Variants in GGA2 observed in about 807,000 individuals in gnomAD.
GGA2 encodes the protein ADP-ribosylation factor-binding protein GGA2.
In GGA2, 48 loss-of-function variants were observed where a neutral mutation model predicts 79.5. That is an observed-to-expected ratio of 0.60 (90% confidence interval 0.48 to 0.77). The LOEUF (loss-of-function observed/expected upper bound fraction) is 0.77. GGA2 is among the 30% of genes least tolerant of loss of function. The pLI is 0.00. For missense variants in GGA2, 770 were observed against 774.0 expected (o/e 0.99, Z 0.06); for synonymous variants, 317 against 302.0 (o/e 1.05, Z -0.51).
chr16:23,469,360 CA>C (rs1358029604), intron 15 of GGA2: 1 of 219,488 alleles, frequency 4.6e-6, no homozygotes, highest in East Asian at 8.6e-5. Flanking sequence ...ACTTATAAAA[CA>C]GAGGTAGTAG....
At chr16:23,508,336 G>A (rs1434911081) in intron 1 of GGA2, among the ~76,000 whole-genome samples, 5 of 152,142 alleles carry the variant, frequency 3.3e-5, no homozygotes, top group Admixed American at 6.5e-5. Flanking sequence ...AAAGTGCTGC[G>A]ATTACAGGCA....
intron 1 of GGA2, chr16:23,501,286 GAA>G: frequency 2.2e-6 from 1 of 456,510 alleles, no homozygotes; most frequent in South Asian, 1.6e-5. Context: ...CTACTAATTG[GAA>G]AAAGATTGTC....
intron 1 of GGA2, among the ~76,000 whole-genome samples, chr16:23,496,474 T>C (rs1195754611): frequency 6.6e-6 from 1 of 152,028 alleles, no homozygotes; most frequent in East Asian, 1.9e-4. Context: ...GTGTCTCAGC[T>C]GTGTGACAGG....
chr16:23,482,345 G>C (rs1964658339), intron 9 of GGA2, among the ~76,000 whole-genome samples: 1 of 152,200 alleles, frequency 6.6e-6, no homozygotes. Context: ...GAGAGGTACA[G>C]ATGAAGTAAG....
intron 5 of GGA2, among the ~76,000 whole-genome samples, chr16:23,489,873 G>A (rs1412568812): frequency 6.6e-6 from 1 of 151,788 alleles, no homozygotes; most frequent in African/African-American, 2.4e-5. Flanking sequence ...GAAAAAACAG[G>A]GGAGAAAAAA....
At chr16:23,503,513 T>C (rs1964941941) in intron 1 of GGA2, among the ~76,000 whole-genome samples, 1 of 152,220 alleles carries the variant, frequency 6.6e-6, no homozygotes. Flanking sequence ...ACTAGGATAT[T>C]TGGATTGATA....
At chr16:23,515,294 C>T (rs1037705094), upstream of GGA2, among the ~76,000 whole-genome samples, 5 of 151,318 alleles carry the variant, frequency 3.3e-5, no homozygotes, top group African/African-American at 1.2e-4. Context: ...ACCATCTCTA[C>T]AAAACCAAAA....
upstream of GGA2, among the ~76,000 whole-genome samples, chr16:23,514,653 T>C (rs1567373677): frequency 6.6e-6 from 1 of 152,124 alleles, no homozygotes. Context: ...GGTCTCACCA[T>C]GTTGCCCAGG....
chr16:23,491,853 G>A (rs1023855536), intron 4 of GGA2, 53 bp from the exon 5 acceptor site: 18 of 1,307,754 alleles, frequency 1.4e-5, no homozygotes, highest in Admixed American at 5.3e-5. Flanking sequence ...TTGGGAGACC[G>A]ACACTTTAAC....
At chr16:23,483,144 T>C in intron 8 of GGA2, 140 bp from the exon 9 acceptor site, 1 of 636,970 alleles carries the variant, frequency 1.6e-6, no homozygotes, top group South Asian at 1.8e-5. Context: ...ACTTAGAGAC[T>C]GCAGTTTTGA....
At chr16:23,479,984 A>C in intron 10 of GGA2, 97 bp from the exon 11 acceptor site, 1 of 1,127,924 alleles carries the variant, frequency 8.9e-7, no homozygotes, top group Non-Finnish European at 1.3e-6. Flanking sequence ...CTCCTAATCA[A>C]ATGGTAACGC....
At chr16:23,509,789 TAAAA>T (rs113417385) in intron 1 of GGA2, among the ~76,000 whole-genome samples, 2 of 144,404 alleles carry the variant, frequency 1.4e-5, no homozygotes, top group South Asian at 2.2e-4. Context: ...TGTGTGTGTT[TAAAA>T]AAAAAAGTCT....
chr16:23,482,692 T>C (rs1382174217), intron 9 of GGA2, among the ~76,000 whole-genome samples: 2 of 152,164 alleles, frequency 1.3e-5, no homozygotes, highest in African/African-American at 4.8e-5. Flanking sequence ...CCAATCTCCA[T>C]GGTCAATTTC....
Position 23,470,345 on chromosome 16 carries a change from A to G in GGA2, c.1451-180T>C, listed in dbSNP as rs554129865. 4.2e-4 allele frequency among the ~76,000 whole-genome samples: 64 copies of G among 152,264 alleles called. No homozygotes were observed. In the South Asian group the frequency reaches 0.013, roughly 31 times the overall value. ...TCCTCATGACTCTAGCTGGACTCCTATGACCCTCCAAACTGACCTTTCCCC... is the reference window on the plus strand; with the variant it reads ...TCCTCATGACTCTAGCTGGACTCCTGTGACCCTCCAAACTGACCTTTCCCC... On this transcript the variant is annotated intron_variant, in intron 14 of 16. Transcript: ENST00000309859.
rs372229464 is a variant in GGA2, at chr16:23,494,303, C to T, written c.252G>A (p.Thr84=). 3.8e-6 allele frequency: 6 copies of T among 1,598,192 alleles called. No individual in the cohort carries two copies. The highest frequency in any genetic ancestry group is 4.5e-5 in the East Asian group (2 of 44,788). The change falls in exon 3 of 17, where the codon ACG becomes ACA. Residue 84 remains threonine (T), a splice_region_variant and synonymous_variant. Coordinates refer to ENST00000309859, the MANE Select transcript of GGA2 (RefSeq NM_015044.4). ...PQEKEALYAL[T]VLEMCMNHCG... The stretch of plus-strand genomic sequence containing the variant: ...AGGCTACAAGGCAAGCCAAACTCAC[C>T]GTTAAGGCATAAAGAGCTTCCTTCT...
rs1296535647 is a variant in GGA2 at position 23,501,535 on chromosome 16, C to CAA, written c.92-5759_92-5758dup. 2.3e-5 allele frequency: 8 copies of CAA among 344,802 alleles called. No homozygotes were observed. The East Asian group carries it at 4.6e-4, about 20-fold the overall frequency. The allele number at this position is 344,802 out of a possible 1,614,324, so 21.4% of individuals were successfully genotyped here. ...TGTATTTTCTATTTAGTTTTCCTCA[C>CAA]AAAGATAAAGCACAGAAACTGGAGG... On this transcript the variant is annotated intron_variant, in intron 1 of 16. Transcript: ENST00000309859.
intron 4 of GGA2, among the ~76,000 whole-genome samples, chr16:23,492,956 G>A (rs1043528095): frequency 1.3e-5 from 2 of 152,220 alleles, no homozygotes; most frequent in Admixed American, 6.5e-5. Flanking sequence ...AACAAGGCAG[G>A]GCTCAATGTT....
Position 23,463,550 on chromosome 16 carries a change from TAAG to T in GGA2, c.*4037_*4039del, listed in dbSNP as rs1295238820. ...AAAGACGACACTGAGCATAAAAAAA[TAAG>T]GTTTTATTTTCAGCTGATTTTAGAA... is the stretch of plus-strand genomic sequence containing the variant. On this transcript the variant is annotated 3_prime_UTR_variant, in exon 17 of 17. Transcript: ENST00000309859. The T allele has an allele frequency of 2.0e-5, 3 of 152,124 alleles. No homozygotes were observed. Among genetic ancestry groups the T allele is most frequent in the Non-Finnish European group, 2.9e-5 (2 of 68,008 alleles). 9.4% of individuals were successfully genotyped at this position (152,124 alleles called of 1,614,324 possible). A position where few individuals can be genotyped will look rare whatever the true frequency, so the allele number is the denominator to read the frequency against.
chr16:23,478,868 G>A lies in GGA2; in HGVS notation c.1158+15C>T, dbSNP rs1031306910. 3 of 1,586,700 alleles carry A rather than the reference G, an allele frequency of 1.9e-6. No homozygotes were observed. Among genetic ancestry groups the A allele is most frequent in the Non-Finnish European group, 2.6e-6 (3 of 1,156,036 alleles). On this transcript the variant is annotated intron_variant, in intron 12 of 16. Coordinates refer to ENST00000309859, the MANE Select transcript of GGA2 (RefSeq NM_015044.4). Reference sequence around the variant, plus strand: ...CTCCCATTCTCTCTCCGGGCCCTGGGAAGGGCATCCTTACCATGCCTGTAA... The same window carrying A: ...CTCCCATTCTCTCTCCGGGCCCTGGAAAGGGCATCCTTACCATGCCTGTAA...
Sources: gnomAD v4.1 joint callset for allele counts (sites outside exome capture counted in the v4.1 genomes callset) on GRCh38, gnomAD v4.1.1 for gene constraint, MANE v1.5 for transcripts, NCBI Gene and HGNC (gene_info 2026-07-23, HGNC 2026-07-21) for gene names.